Variants in SLC17A1 observed in about 807,000 individuals in gnomAD.
SLC17A1 encodes the protein solute carrier family 17 member 1.
A neutral mutation model predicts 53.5 loss-of-function variants in SLC17A1; 51 were observed. The ratio of observed to expected loss-of-function variants is 0.95; its 90% CI spans 0.76 to 1.20. The LOEUF (loss-of-function observed/expected upper bound fraction) is 1.20. Among genes scored for constraint, SLC17A1 ranks in the 50% most tolerant of loss-of-function variants. SLC17A1 has a pLI of 0.00. For missense variants in SLC17A1, 538 were observed against 568.2 expected (o/e 0.95, Z 0.54); for synonymous variants, 179 against 198.8 (o/e 0.90, Z 0.84).
chr6:25,777,161 G>A, the SLC17A1 span: 84 of 573,288 alleles, frequency 1.5e-4, no homozygotes, highest in African/African-American at 1.5e-3. Context: ...TTCTGGGCGT[G>A]AACAAGAGGA....
chr6:25,797,297 A>G (rs1344746669), intron 12 of SLC17A1, among the ~76,000 whole-genome samples: 1 of 152,208 alleles, frequency 6.6e-6, no homozygotes, highest in Non-Finnish European at 1.5e-5. Flanking sequence ...ATACTATAAA[A>G]TAAAACACAG....
At chr6:25,726,582 G>A in the SLC17A1 span, 5 of 1,555,272 alleles carry the variant, frequency 3.2e-6, no homozygotes, top group African/African-American at 2.7e-5. Flanking sequence ...GCTGCTACTG[G>A]GCCTATTTAT....
chr6:25,767,211 A>G, the SLC17A1 span, among the ~76,000 whole-genome samples: 4 of 152,186 alleles, frequency 2.6e-5, no homozygotes, highest in Admixed American at 6.5e-5. Context: ...AAAAAATAGC[A>G]CATACATATG....
the SLC17A1 span, chr6:25,770,323 T>A: frequency 6.2e-7 from 1 of 1,613,826 alleles, no homozygotes; most frequent in African/African-American, 1.3e-5. Context: ...TTTCCAGGTA[T>A]AAGTGGAATA....
intron 1 of SLC17A1, 43 bp from the exon 2 acceptor site, chr6:25,830,650 G>A: frequency 5.0e-6 from 7 of 1,388,498 alleles, no homozygotes; most frequent in Non-Finnish European, 7.1e-6. Context: ...ATGTAGAGAG[G>A]CAACTGACCA....
the SLC17A1 span, chr6:25,726,049 T>G: frequency 7.7e-7 from 1 of 1,305,548 alleles, no homozygotes. Flanking sequence ...ACGTACAGCC[T>G]TTTTCTGAGA....
intron 1 of SLC17A1, among the ~76,000 whole-genome samples, chr6:25,831,126 C>T (rs905494383): frequency 2.0e-5 from 3 of 152,160 alleles, no homozygotes; most frequent in South Asian, 2.1e-4. Flanking sequence ...GCTAATCATT[C>T]GTTACACGTC....
At chr6:25,727,382 A>G in the SLC17A1 span, 12 of 1,073,114 alleles carry the variant, frequency 1.1e-5, no homozygotes, top group African/African-American at 9.5e-5. Flanking sequence ...GTTTTTGTGT[A>G]GTTTCTAACC....
intron 9 of SLC17A1, 32 bp from the exon 10 acceptor site, chr6:25,811,577 G>A: frequency 6.2e-7 from 1 of 1,613,530 alleles, no homozygotes. Flanking sequence ...ATAGTCAGGT[G>A]CATCCTAAAG....
Position 25,819,018 on chromosome 6 carries a change from A to T in SLC17A1, c.616+50T>A, listed in dbSNP as rs769873954. ...CATTATATTGGGTTTTAATGTTTAA[A>T]TTTTTTTAGATTCTGAATAATAACT... On this transcript the variant is annotated intron_variant, in intron 6 of 12. Coordinates refer to ENST00000244527, the MANE Select transcript of SLC17A1 (RefSeq NM_005074.5). The T allele has an allele frequency of 1.5e-5, 20 of 1,295,952 alleles. No homozygotes were observed. In the South Asian group the frequency reaches 2.5e-4, roughly 16 times the overall value. The allele number at this position is 1,295,952 out of a possible 1,614,324, so 80.3% of individuals were successfully genotyped here. A position where few individuals can be genotyped will look rare whatever the true frequency, so the allele number is the denominator to read the frequency against.
intron 11 of SLC17A1, among the ~76,000 whole-genome samples, chr6:25,800,307 A>G (rs1309824919): frequency 6.6e-6 from 1 of 151,860 alleles, no homozygotes; most frequent in African/African-American, 2.4e-5. Context: ...TTCAATGGTC[A>G]TTTACCTCTC....
At chr6:25,782,037 G>C (rs79413804), downstream of SLC17A1, among the ~76,000 whole-genome samples, 53 of 152,326 alleles carry the variant, frequency 3.5e-4, no homozygotes, top group African/African-American at 1.2e-3. Flanking sequence ...TTCCTGAGAA[G>C]GTTGTGACAA....
At chr6:25,769,311 A>ATTCC in the SLC17A1 span, 9 of 944,126 alleles carry the variant, frequency 9.5e-6, no homozygotes, top group African/African-American at 1.6e-5. Flanking sequence ...TGTGCCAGGA[A>ATTCC]TGGCACAAGT....
chr6:25,777,951 T>C, downstream of SLC17A1: 6 of 1,613,172 alleles, frequency 3.7e-6, no homozygotes, highest in Non-Finnish European at 5.1e-6. Context: ...CAAAGGACTA[T>C]TGCAAGTCTT....
chr6:25,724,959 C>G, the SLC17A1 span, among the ~76,000 whole-genome samples: 1 of 148,842 alleles, frequency 6.7e-6, no homozygotes, highest in East Asian at 1.9e-4. Flanking sequence ...TGCTTCTATA[C>G]ATGCCTTATT....
At chr6:25,812,801 G>GT (rs1311834937) in intron 8 of SLC17A1, 30 bp downstream of exon 8, 8 of 1,538,392 alleles carry the variant, frequency 5.2e-6, no homozygotes, top group Non-Finnish European at 6.2e-6. Flanking sequence ...CTTTCGTGAA[G>GT]TTAAAAAAAA....
At chr6:25,726,382 G>A in the SLC17A1 span, 4 of 1,614,008 alleles carry the variant, frequency 2.5e-6, no homozygotes, top group Middle Eastern at 1.6e-4. Flanking sequence ...CAAATACACT[G>A]GTGCGCCTGC....
chr6:25,731,933 C>T, the SLC17A1 span: 3 of 1,601,264 alleles, frequency 1.9e-6, no homozygotes, highest in Non-Finnish European at 2.6e-6. Context: ...GGCGGGAAGC[C>T]TCACAGGCAA....
At chr6:25,768,896 A>G in the SLC17A1 span, 2 of 1,208,832 alleles carry the variant, frequency 1.7e-6, no homozygotes, top group African/African-American at 3.0e-5. Flanking sequence ...TGCATCTCAG[A>G]CAGATACCAA....
Sources: gnomAD v4.1 joint callset for allele counts (sites outside exome capture counted in the v4.1 genomes callset) on GRCh38, gnomAD v4.1.1 for gene constraint, MANE v1.5 for transcripts, NCBI Gene and HGNC (gene_info 2026-07-23, HGNC 2026-07-21) for gene names.